Variants in VEPH1 observed in about 807,000 individuals in gnomAD.
VEPH1 encodes ventricular zone-expressed PH domain-containing protein homolog 1.
A neutral mutation model predicts 85.2 loss-of-function variants in VEPH1; 80 were observed. The ratio of observed to expected loss-of-function variants is 0.94; its 90% CI spans 0.78 to 1.13. VEPH1 has a LOEUF of 1.13. Among genes scored for constraint, VEPH1 ranks in the 50% most tolerant of loss-of-function variants. VEPH1 has a pLI of 0.00. For synonymous variants in VEPH1, 297 were observed against 348.0 expected (o/e 0.85, Z 1.63); for missense variants, 955 against 980.5 (o/e 0.97, Z 0.35).
At chr3:157,458,782 T>C (rs1480808581) in intron 4 of VEPH1, among the ~76,000 whole-genome samples, 1 of 152,198 alleles carries the variant, frequency 6.6e-6, no homozygotes. Context: ...CTTTAATCCA[T>C]TTTGAGTTAA....
At position 157,503,361 on chromosome 3, in the gene VEPH1, T is replaced by C. The variant is rs145571428; in HGVS notation, c.-242A>G. ...GCACTGCAGCTGGGACCCATGACCA[T>C]GCTCAGAGGCAGCCTTGCAGCTGCT... On this transcript the variant is annotated 5_prime_UTR_variant, in exon 1 of 14. An upstream start codon of the reference 5' UTR is lost. Transcript: ENST00000362010. 8 of 152,330 alleles carry C rather than the reference T, an allele frequency of 5.3e-5. No individual in the cohort carries two copies. Among genetic ancestry groups the C allele is most frequent in the African/African-American group, 1.9e-4 (8 of 41,570 alleles). 9.4% of individuals were successfully genotyped at this position (152,330 alleles called of 1,614,324 possible).
At chr3:157,470,638 T>C (rs1034651843) in intron 2 of VEPH1, 109 bp from the exon 3 acceptor site, 52 of 1,029,968 alleles carry the variant, frequency 5.0e-5, no homozygotes, top group Non-Finnish European at 7.4e-5. Context: ...GGCTGTGTGC[T>C]AAGGGGTGAG....
intron 9 of VEPH1, among the ~76,000 whole-genome samples, chr3:157,354,523 C>T (rs1725214872): frequency 2.6e-5 from 4 of 152,068 alleles, no homozygotes; most frequent in Admixed American, 6.6e-5. Flanking sequence ...TTTACTGTTC[C>T]GTCCTTGCTG....
rs184371222 is a variant in VEPH1, at chr3:157,359,181, T to G, written c.1735+4183A>C. On this transcript the variant is annotated intron_variant, in intron 9 of 13. Coordinates refer to ENST00000362010, the MANE Select transcript of VEPH1 (RefSeq NM_001167912.2). ...AACATTGATAGGTTCTTGTAAGCTT[T>G]TATATTATTCTTTATAGAACTTCAG... 3.3e-5 allele frequency among the ~76,000 whole-genome samples: 5 copies of G among 152,352 alleles called. No individual in the cohort carries two copies. In the East Asian group the frequency reaches 9.6e-4, roughly 29 times the overall value.
At chr3:157,403,522 G>A (rs904926259) in intron 6 of VEPH1, among the ~76,000 whole-genome samples, 15 of 152,032 alleles carry the variant, frequency 9.9e-5, no homozygotes, top group Middle Eastern at 3.2e-3. Context: ...TCCTGGGCTC[G>A]AGTGAGTAAA....
At position 157,481,478 on chromosome 3, in the gene VEPH1, A is replaced by C. The variant is rs1265549422; in HGVS notation, c.139-10949T>G. ...CACACACACACACAAAAAAAAAAAA[A>C]AAAAAAAACAATCCTAAGCAAAAAG... On this transcript the variant is annotated intron_variant, in intron 2 of 13. Transcript: ENST00000362010. Among the ~76,000 whole-genome samples, 62 of 149,328 alleles carry C rather than the reference A, an allele frequency of 4.2e-4. 1 individual carries two copies. The highest frequency in any genetic ancestry group is 1.4e-3 in the African/African-American group (58 of 40,296).
intron 13 of VEPH1, 44 bp downstream of exon 13, chr3:157,265,482 A>C: frequency 1.3e-6 from 2 of 1,594,434 alleles, no homozygotes; most frequent in Non-Finnish European, 1.7e-6. Flanking sequence ...GGTGGAGATC[A>C]AAACCTTAAA....
intron 3 of VEPH1, among the ~76,000 whole-genome samples, chr3:157,463,320 T>C (rs531784548): frequency 6.6e-6 from 1 of 152,294 alleles, no homozygotes; most frequent in South Asian, 2.1e-4. Context: ...TATCCCACTA[T>C]TAAGTCAGTC....
At chr3:157,331,348 G>A (rs1722485038) in intron 9 of VEPH1, among the ~76,000 whole-genome samples, 1 of 152,182 alleles carries the variant, frequency 6.6e-6, no homozygotes, top group Non-Finnish European at 1.5e-5. Flanking sequence ...ATCCTTGGGG[G>A]AGACTGACAT....
intron 6 of VEPH1, among the ~76,000 whole-genome samples, chr3:157,399,654 G>A (rs980301832): frequency 7.9e-5 from 12 of 151,876 alleles, no homozygotes; most frequent in East Asian, 1.9e-4. Context: ...AGTATGCCAC[G>A]CAGACAAGAA....
At chr3:157,379,803 G>A (rs1013823380) in intron 7 of VEPH1, among the ~76,000 whole-genome samples, 2 of 152,094 alleles carry the variant, frequency 1.3e-5, no homozygotes, top group African/African-American at 4.8e-5. Context: ...ATGGAGATGG[G>A]GTCGAGTCCA....
chr3:157,447,976 G>T (rs1229004180), intron 4 of VEPH1, among the ~76,000 whole-genome samples: 1 of 152,064 alleles, frequency 6.6e-6, no homozygotes, highest in Admixed American at 6.6e-5. Context: ...CGATGATGAT[G>T]ATGATGATGA....
At chr3:157,310,951 C>A (rs1720040597) in intron 11 of VEPH1, among the ~76,000 whole-genome samples, 1 of 152,154 alleles carries the variant, frequency 6.6e-6, no homozygotes, top group Non-Finnish European at 1.5e-5. Flanking sequence ...ACCCTGATAT[C>A]GCAAGGGTAT....
In VEPH1 at chr3:157,261,130, A is replaced by C; in HGVS notation, c.*4T>G. On this transcript the variant is annotated 3_prime_UTR_variant, in exon 14 of 14. Coordinates refer to ENST00000362010, the MANE Select transcript of VEPH1 (RefSeq NM_001167912.2). ...TATAATTGTCATGGCTGACTTATAAATCCCTACAGATATGTGGTTACTTCT... is the reference window on the plus strand; with the variant it reads ...TATAATTGTCATGGCTGACTTATAACTCCCTACAGATATGTGGTTACTTCT... 2 of 1,613,200 alleles carry C rather than the reference A, an allele frequency of 1.2e-6. No homozygotes were observed. Among genetic ancestry groups the C allele is most frequent in the Non-Finnish European group, 1.7e-6 (2 of 1,179,534 alleles).
At chr3:157,490,891 G>T (rs1739159639) in intron 2 of VEPH1, among the ~76,000 whole-genome samples, 1 of 152,004 alleles carries the variant, frequency 6.6e-6, no homozygotes, top group Admixed American at 6.6e-5. Context: ...ACCAAAAAAA[G>T]AATGGATACA....
chr3:157,323,098 T>C (rs1270477651), intron 9 of VEPH1, among the ~76,000 whole-genome samples: 1 of 152,216 alleles, frequency 6.6e-6, no homozygotes, highest in Non-Finnish European at 1.5e-5. Flanking sequence ...TTCCATGTGA[T>C]TTGTAAAATA....
At chr3:157,278,007 G>A (rs183314074) in intron 12 of VEPH1, among the ~76,000 whole-genome samples, 21 of 152,252 alleles carry the variant, frequency 1.4e-4, no homozygotes, top group Non-Finnish European at 4.4e-5. Context: ...TTGGCCATTC[G>A]TTTATTGGTA....
At chr3:157,354,308 G>T (rs776087242) in intron 9 of VEPH1, among the ~76,000 whole-genome samples, 1 of 151,878 alleles carries the variant, frequency 6.6e-6, no homozygotes, top group Non-Finnish European at 1.5e-5. Flanking sequence ...CTAAAACCAA[G>T]CTCTTGATTT....
chr3:157,405,643 G>C (rs1299031801), intron 6 of VEPH1, among the ~76,000 whole-genome samples: 1 of 152,058 alleles, frequency 6.6e-6, no homozygotes, highest in Non-Finnish European at 1.5e-5. Context: ...CACTGAATGC[G>C]GTGACTTCCC....
Sources: gnomAD v4.1 joint callset for allele counts (sites outside exome capture counted in the v4.1 genomes callset) on GRCh38, gnomAD v4.1.1 for gene constraint, MANE v1.5 for transcripts, NCBI Gene and HGNC (gene_info 2026-07-23, HGNC 2026-07-21) for gene names.